Variants in MAP4K3 observed in about 807,000 individuals in gnomAD.
MAP4K3 encodes the protein MAPK/ERK kinase kinase kinase 3.
MAP4K3 carries 94 observed loss-of-function variants against 143.5 expected under a neutral mutation model. The ratio of observed to expected loss-of-function variants is 0.65; its 90% confidence interval spans 0.55 to 0.78. The LOEUF is 0.78. Ranked by LOEUF, MAP4K3 falls within the 30% of genes least tolerant of loss-of-function variation. The probability of loss-of-function intolerance (pLI) is 0.00; values close to 1 mark genes in which losing one functional copy is unlikely to be tolerated. For synonymous variants in MAP4K3, 416 were observed against 347.2 expected (o/e 1.20, Z -2.20); for missense variants, 1,077 against 1,068.1 (o/e 1.01, Z -0.12).
intron 31 of MAP4K3, among the ~76,000 whole-genome samples, chr2:39,256,797 G>C (rs1256240940): frequency 6.6e-6 from 1 of 152,036 alleles, no homozygotes; most frequent in Non-Finnish European, 1.5e-5. Flanking sequence ...CCTTTAATGG[G>C]GGAGGTAGGT....
At chr2:39,371,708 G>T (rs1666084308) in intron 2 of MAP4K3, among the ~76,000 whole-genome samples, 1 of 151,618 alleles carries the variant, frequency 6.6e-6, no homozygotes, top group African/African-American at 2.4e-5. Flanking sequence ...CACGCCAATG[G>T]AAACAAGAAA....
At chr2:39,430,593 A>G (rs1287465313) in intron 1 of MAP4K3, among the ~76,000 whole-genome samples, 1 of 152,182 alleles carries the variant, frequency 6.6e-6, no homozygotes, top group African/African-American at 2.4e-5. Flanking sequence ...TTGGTGAACA[A>G]AGTCCTCTTC....
At chr2:39,272,626 T>A in intron 24 of MAP4K3, 84 bp from the exon 25 acceptor site, 1 of 1,048,366 alleles carries the variant, frequency 9.5e-7, no homozygotes, top group Non-Finnish European at 1.5e-6. Context: ...GTAAGCTGTC[T>A]TATCTACAGG....
intron 18 of MAP4K3, 25 bp from the exon 19 acceptor site, chr2:39,290,359 A>G: frequency 1.3e-6 from 2 of 1,526,544 alleles, no homozygotes; most frequent in Middle Eastern, 1.7e-4. Flanking sequence ...GTTTAGAATC[A>G]GAACTATTCA....
At chr2:39,403,325 ACTGAAAGAGGCACTGAAGATGT>A (rs1026424239) in intron 1 of MAP4K3, among the ~76,000 whole-genome samples, 4 of 152,116 alleles carry the variant, frequency 2.6e-5, no homozygotes, top group African/African-American at 7.2e-5. Flanking sequence ...ACTTCATATC[ACTGAAAGAGGCACTGAAGATGT>A]CTGAAAGAGG....
chr2:39,345,539 A>G (rs991201419), intron 3 of MAP4K3, among the ~76,000 whole-genome samples: 3 of 152,186 alleles, frequency 2.0e-5, no homozygotes, highest in Non-Finnish European at 4.4e-5. Flanking sequence ...GGTAGCATAC[A>G]AAAAGAAAGC....
At chr2:39,322,950 A>G (rs1309557508) in intron 12 of MAP4K3, among the ~76,000 whole-genome samples, 1 of 152,190 alleles carries the variant, frequency 6.6e-6, no homozygotes, top group African/African-American at 2.4e-5. Context: ...GATTACAGGC[A>G]TAAGCCACTG....
At chr2:39,389,131 T>C (rs966516914) in intron 1 of MAP4K3, among the ~76,000 whole-genome samples, 2 of 152,000 alleles carry the variant, frequency 1.3e-5, no homozygotes, top group African/African-American at 2.4e-5. Flanking sequence ...AATAAATACA[T>C]GGGTCAGAAG....
chr2:39,362,834 G>A (rs1437672902), intron 2 of MAP4K3, among the ~76,000 whole-genome samples: 1 of 152,110 alleles, frequency 6.6e-6, no homozygotes, highest in Non-Finnish European at 1.5e-5. Flanking sequence ...ATATGGCACT[G>A]GCATAAAGAC....
At chr2:39,415,952 CAAA>C (rs1192060497) in intron 1 of MAP4K3, among the ~76,000 whole-genome samples, 3 of 2,658 alleles carry the variant, frequency 1.1e-3, no homozygotes, top group East Asian at 0.023. Flanking sequence ...GGCTCTGTCT[CAAA>C]AAAAAAAAAA....
At chr2:39,267,611 T>A (rs1343146992) in intron 26 of MAP4K3, among the ~76,000 whole-genome samples, 3 of 149,172 alleles carry the variant, frequency 2.0e-5, no homozygotes, top group African/African-American at 7.5e-5. Flanking sequence ...AGGTGGAGGA[T>A]GTGGTGAGCC....
chr2:39,350,112 C>T (rs546002119), intron 3 of MAP4K3, among the ~76,000 whole-genome samples: 1 of 152,138 alleles, frequency 6.6e-6, no homozygotes, highest in Admixed American at 6.5e-5. Context: ...TCTTACAATG[C>T]GCAGGACTAT....
At position 39,378,116 on chromosome 2, in the gene MAP4K3, T is replaced by C. The variant is rs745500900; in HGVS notation, c.104A>G (p.Asn35Ser). The change falls in exon 2 of 34, where the codon AAT becomes AGT. Residue 35 changes from asparagine (N) to serine (S), a missense_variant. By Grantham distance (46) the Asn-to-Ser change is conservative (BLOSUM62 1). This residue lies in a region of MAP4K3 where 213 missense variants were observed against 266.8 expected (regional missense o/e 0.80). Coordinates refer to ENST00000263881, the MANE Select transcript of MAP4K3 (RefSeq NM_003618.4). ...TGCTGCTAATTCACCAGTGTTAACA[T>C]TCCGTGCCTAAAAGAAAGAGGAAAA... Reference protein sequence around the residue: ...GTYGDVYKARNVNTGELAAIK... With the variant: ...GTYGDVYKARSVNTGELAAIK... The C allele has an allele frequency of 6.3e-7, 1 of 1,580,656 alleles. No individual in the cohort carries two copies. Among genetic ancestry groups the C allele is most frequent in the Admixed American group, 1.8e-5 (1 of 54,436 alleles).
intron 31 of MAP4K3, 68 bp downstream of exon 31, chr2:39,258,280 T>C: frequency 2.0e-6 from 2 of 1,016,994 alleles, no homozygotes; most frequent in Non-Finnish European, 1.5e-6. Flanking sequence ...ATCTTTAATT[T>C]TGGATAATTA....
chr2:39,280,727 A>G (rs1681480600), intron 22 of MAP4K3, among the ~76,000 whole-genome samples: 1 of 152,176 alleles, frequency 6.6e-6, no homozygotes, highest in African/African-American at 2.4e-5. Flanking sequence ...AATCTCTACA[A>G]AGGAAGACAT....
chr2:39,371,662 A>G (rs912465723), intron 2 of MAP4K3, among the ~76,000 whole-genome samples: 1 of 152,196 alleles, frequency 6.6e-6, no homozygotes, highest in Non-Finnish European at 1.5e-5. Context: ...CTATGAAGAT[A>G]CACAGACTAA....
At chr2:39,289,125 G>A (rs917345054) in intron 19 of MAP4K3, among the ~76,000 whole-genome samples, 1 of 152,166 alleles carries the variant, frequency 6.6e-6, no homozygotes, top group Non-Finnish European at 1.5e-5. Context: ...TGGGATGCCT[G>A]AGACACTTTC....
At position 39,375,533 on chromosome 2, in the gene MAP4K3, C is replaced by A. The variant is rs1053256255; in HGVS notation, c.154+2533G>T. Among the ~76,000 whole-genome samples the A allele has an allele frequency of 3.3e-5, 5 of 152,278 alleles. No homozygotes were observed. The East Asian group carries it at 9.6e-4, about 29-fold the overall frequency. ...ATTAAGTGGGAACCTATAGATATAA[C>A]GTAGCAACTATTTGCTAAGCGTAGG... On this transcript the variant is annotated intron_variant, in intron 2 of 33. Transcript: ENST00000263881.
At chr2:39,308,562 A>C (rs1166552263) in intron 14 of MAP4K3, among the ~76,000 whole-genome samples, 1 of 152,142 alleles carries the variant, frequency 6.6e-6, no homozygotes, top group African/African-American at 2.4e-5. Context: ...CTCATTATTA[A>C]ATAGCAAATA....
Sources: gnomAD v4.1 joint callset for allele counts (sites outside exome capture counted in the v4.1 genomes callset) on GRCh38, gnomAD v4.1.1 for gene constraint, gnomAD v4.1.1 regional missense constraint, MANE v1.5 for transcripts, NCBI Gene and HGNC (gene_info 2026-07-23, HGNC 2026-07-21) for gene names.